Variants in C8orf34 observed in about 807,000 individuals in gnomAD.
The protein encoded by C8orf34 is chromosome 8 open reading frame 34.
Under a neutral mutation model 68.3 loss-of-function variants are expected in C8orf34, and 65 were observed. The ratio of observed to expected loss-of-function variants is 0.95; its 90% confidence interval spans 0.78 to 1.17. The LOEUF is 1.17. C8orf34 is among the 50% of genes most tolerant of loss of function. C8orf34 has a pLI of 0.00. For synonymous variants in C8orf34, 244 were observed against 241.2 expected, an observed-to-expected ratio of 1.01 and a Z score of -0.11; for missense variants, 664 against 655.4, an observed-to-expected ratio of 1.01 and a Z score of -0.14.
At chr8:68,663,595 T>A (rs1819750271) in intron 8 of C8orf34, among the ~76,000 whole-genome samples, 1 of 152,186 alleles carries the variant, frequency 6.6e-6, no homozygotes, top group Non-Finnish European at 1.5e-5. Context: ...TCAGGCATCA[T>A]CCCTGGTACA....
chr8:68,782,624 C>A (rs1237606241), intron 11 of C8orf34, among the ~76,000 whole-genome samples: 4 of 152,164 alleles, frequency 2.6e-5, no homozygotes, highest in Non-Finnish European at 5.9e-5. Flanking sequence ...AAAAGCTGTG[C>A]CTTCTGACCC....
intron 4 of C8orf34, among the ~76,000 whole-genome samples, chr8:68,484,849 C>T (rs918879896): frequency 2.6e-5 from 4 of 152,086 alleles, no homozygotes. Context: ...TAATAGAAAG[C>T]TGAAAGAATT....
chr8:68,592,401 A>G (rs957887401), intron 7 of C8orf34, among the ~76,000 whole-genome samples: 1 of 151,760 alleles, frequency 6.6e-6, no homozygotes, highest in Non-Finnish European at 1.5e-5. Flanking sequence ...TTGGGCTTTT[A>G]TTGTGATTGT....
At chr8:68,488,182 T>A in intron 5 of C8orf34, 131 bp downstream of exon 5, 1 of 623,886 alleles carries the variant, frequency 1.6e-6, no homozygotes, top group Non-Finnish European at 2.6e-6. Context: ...ATTTTAAAAC[T>A]TTGAAAGTTA....
At chr8:68,512,132 C>T (rs996389804) in intron 5 of C8orf34, among the ~76,000 whole-genome samples, 4 of 152,084 alleles carry the variant, frequency 2.6e-5, no homozygotes, top group African/African-American at 9.7e-5. Flanking sequence ...CTGTGAATAG[C>T]AAAATGTCCA....
intron 5 of C8orf34, among the ~76,000 whole-genome samples, chr8:68,516,163 G>T (rs886793258): frequency 3.3e-5 from 5 of 152,004 alleles, no homozygotes; most frequent in Admixed American, 2.6e-4. Flanking sequence ...TTCTTATATG[G>T]CTTAAAAAGC....
At chr8:68,401,739 T>G (rs1808965116) in intron 1 of C8orf34, among the ~76,000 whole-genome samples, 1 of 152,154 alleles carries the variant, frequency 6.6e-6, no homozygotes, top group African/African-American at 2.4e-5. Flanking sequence ...ACCCCTAATA[T>G]AAAACCCACT....
At chr8:68,351,743 G>C (rs1369765758) in intron 1 of C8orf34, among the ~76,000 whole-genome samples, 1 of 151,984 alleles carries the variant, frequency 6.6e-6, no homozygotes, top group African/African-American at 2.4e-5. Context: ...GGACTATATG[G>C]TAAGAATAGG....
chr8:68,791,080 A>G (rs564855390), intron 12 of C8orf34: 36 of 571,852 alleles, frequency 6.3e-5, no homozygotes, highest in Non-Finnish European at 1.1e-4. Flanking sequence ...ATACATGGAG[A>G]AGACATGCAA....
chr8:68,750,668 A>G (rs1445793758), intron 10 of C8orf34, among the ~76,000 whole-genome samples: 1 of 152,202 alleles, frequency 6.6e-6, no homozygotes, highest in Non-Finnish European at 1.5e-5. Context: ...CAGAAAGTCT[A>G]AAATCCACAT....
rs368269044 is a variant in C8orf34 at position 68,415,195 on chromosome 8, G to A, written c.328-24304G>A. On this transcript the variant is annotated intron_variant, in intron 1 of 13. Transcript: ENST00000518698. ...ATATAAAGAAAGATAAAAGTGTATG[G>A]AGAGGCTGGGCACGGTGGGTCACGC... 7.2e-5 allele frequency among the ~76,000 whole-genome samples: 11 copies of A among 152,120 alleles called. No individual in the cohort carries two copies. The South Asian group carries it at 1.2e-3, about 17-fold the overall frequency.
chr8:68,755,787 C>A (rs1179864210), intron 10 of C8orf34, among the ~76,000 whole-genome samples: 4 of 152,050 alleles, frequency 2.6e-5, no homozygotes, highest in Non-Finnish European at 5.9e-5. Flanking sequence ...ACTGGCCAGG[C>A]GCGGTGGCTC....
chr8:68,547,957 A>G (rs557744822), intron 7 of C8orf34, among the ~76,000 whole-genome samples: 4 of 151,932 alleles, frequency 2.6e-5, no homozygotes, highest in Admixed American at 1.3e-4. Context: ...AGAAAGGAAA[A>G]TATTTTCAAC....
chr8:68,599,533 G>A (rs1817639928), intron 7 of C8orf34, among the ~76,000 whole-genome samples: 1 of 151,884 alleles, frequency 6.6e-6, no homozygotes, highest in Admixed American at 6.6e-5. Flanking sequence ...AAAAAGTCTA[G>A]AAGTGGACCT....
At chr8:68,525,695 T>C in intron 6 of C8orf34, 1 of 661,242 alleles carries the variant, frequency 1.5e-6, no homozygotes, top group South Asian at 1.4e-5. Flanking sequence ...GATCACTCCA[T>C]ATTTGTTTAG....
chr8:68,775,234 T>C (rs1823481865), intron 10 of C8orf34, among the ~76,000 whole-genome samples: 1 of 152,236 alleles, frequency 6.6e-6, no homozygotes, highest in Admixed American at 6.5e-5. Context: ...AATATATGTG[T>C]TGGTCATGGG....
At chr8:68,805,438 G>T (rs1025201518) in intron 12 of C8orf34, among the ~76,000 whole-genome samples, 20 of 152,208 alleles carry the variant, frequency 1.3e-4, no homozygotes, top group Admixed American at 6.5e-5. Flanking sequence ...CAAGAGCTGT[G>T]TGTCAACACC....
intron 5 of C8orf34, among the ~76,000 whole-genome samples, chr8:68,491,355 A>G (rs992283547): frequency 2.0e-5 from 3 of 152,132 alleles, no homozygotes; most frequent in African/African-American, 4.8e-5. Context: ...ACTTTAAAGC[A>G]ACACAAATTT....
intron 7 of C8orf34, among the ~76,000 whole-genome samples, chr8:68,578,155 G>C (rs184856042): frequency 5.3e-4 from 80 of 151,906 alleles, no homozygotes; most frequent in African/African-American, 1.8e-3. Context: ...CAAGATTTTT[G>C]GGGCTAATAC....
Sources: gnomAD v4.1 joint callset for allele counts (sites outside exome capture counted in the v4.1 genomes callset) on GRCh38, gnomAD v4.1.1 for gene constraint, MANE v1.5 for transcripts, NCBI Gene and HGNC (gene_info 2026-07-23, HGNC 2026-07-21) for gene names.